FSTL5: variants seen among roughly 807,000 people sequenced by gnomAD.
FSTL5 encodes the protein follistatin like 5, also known as follistatin-related protein 5.
In FSTL5, 62 loss-of-function variants were observed where a neutral mutation model predicts 89.1. The ratio of observed to expected loss-of-function variants is 0.70; its 90% CI spans 0.57 to 0.86. The LOEUF (loss-of-function observed/expected upper bound fraction) is 0.86, where lower values mean the gene tolerates loss of function less well. FSTL5 is among the 40% of genes least tolerant of loss of function. FSTL5 has a pLI of 0.00. For missense variants in FSTL5, 1,057 were observed against 1,001.6 expected, an observed-to-expected ratio of 1.06 and a Z score of -0.75; for synonymous variants, 383 against 346.2, an observed-to-expected ratio of 1.11 and a Z score of -1.18.
intron 4 of FSTL5, among the ~76,000 whole-genome samples, chr4:161,812,711 C>A (rs1730192941): frequency 1.3e-5 from 2 of 151,858 alleles, no homozygotes; most frequent in South Asian, 4.2e-4. Context: ...CAGTTTAGGA[C>A]ATTTCATTAC....
intron 6 of FSTL5, among the ~76,000 whole-genome samples, chr4:161,703,819 C>T (rs1738481458): frequency 6.6e-6 from 1 of 152,130 alleles, no homozygotes; most frequent in Admixed American, 6.6e-5. Context: ...ATACCATAAT[C>T]TAGCTCTACC....
In FSTL5 at chr4:161,742,616, G is replaced by C. The variant is rs78992472; in HGVS notation, c.727+16795C>G. Reference sequence around the variant, plus strand: ...TGAGTTTAGGTTTGAACAAATGGCAGTGACGCGCCAGAAGAGAATCCATGT... The same window carrying C: ...TGAGTTTAGGTTTGAACAAATGGCACTGACGCGCCAGAAGAGAATCCATGT... On this transcript the variant is annotated intron_variant, in intron 6 of 15. Coordinates refer to ENST00000306100, the MANE Select transcript of FSTL5 (RefSeq NM_020116.5). Among the ~76,000 whole-genome samples, 1,172 of 152,302 alleles carry C rather than the reference G, an allele frequency of 7.7e-3. 18 individuals carry two copies. Among genetic ancestry groups the C allele is most frequent in the African/African-American group, 0.026 (1,095 of 41,576 alleles).
In FSTL5 at chr4:161,838,255, A is replaced by G. The variant is rs570326630; in HGVS notation, c.410-62181T>C. ...GTATGTTTTGGTGTTGTACCTCTTT[A>G]CCTTTATGTATTAAAAGTTAATGTT... On this transcript the variant is annotated intron_variant, in intron 4 of 15. Transcript: ENST00000306100. Among the ~76,000 whole-genome samples, 16 of 152,300 alleles carry G rather than the reference A, an allele frequency of 1.1e-4. No individual in the cohort carries two copies. The East Asian group carries it at 2.9e-3, about 28-fold the overall frequency.
At chr4:161,672,073 C>T (rs1737134290) in intron 6 of FSTL5, among the ~76,000 whole-genome samples, 1 of 152,080 alleles carries the variant, frequency 6.6e-6, no homozygotes, top group Non-Finnish European at 1.5e-5. Context: ...AACCAGTAAA[C>T]TGCTTACACA....
At chr4:161,640,138 C>A (rs1735899057) in intron 7 of FSTL5, among the ~76,000 whole-genome samples, 1 of 151,884 alleles carries the variant, frequency 6.6e-6, no homozygotes, top group Non-Finnish European at 1.5e-5. Context: ...TGGCACACAG[C>A]CTACAACAAT....
At chr4:161,690,014 C>A (rs148811469) in intron 6 of FSTL5, among the ~76,000 whole-genome samples, 1 of 152,050 alleles carries the variant, frequency 6.6e-6, no homozygotes, top group African/African-American at 2.4e-5. Context: ...TTCCACTCTG[C>A]GTATATACCA....
At chr4:161,678,828 C>T (rs1421227836) in intron 6 of FSTL5, among the ~76,000 whole-genome samples, 1 of 151,608 alleles carries the variant, frequency 6.6e-6, no homozygotes, top group African/African-American at 2.4e-5. Flanking sequence ...AATTTTGATA[C>T]CTGAGAGTGA....
intron 4 of FSTL5, among the ~76,000 whole-genome samples, chr4:161,824,658 G>A (rs1730610281): frequency 6.6e-6 from 1 of 152,094 alleles, no homozygotes; most frequent in Non-Finnish European, 1.5e-5. Context: ...TCACCTCCTT[G>A]GTTAGGTATA....
At chr4:162,016,393 T>G (rs1489520451) in intron 3 of FSTL5, among the ~76,000 whole-genome samples, 1 of 152,106 alleles carries the variant, frequency 6.6e-6, no homozygotes, top group Non-Finnish European at 1.5e-5. Flanking sequence ...AATTGTAAGG[T>G]TGTAAGAGAA....
chr4:161,897,770 T>C (rs1733213524), intron 4 of FSTL5, among the ~76,000 whole-genome samples: 1 of 151,800 alleles, frequency 6.6e-6, no homozygotes. Flanking sequence ...TTCTTTGTGT[T>C]GTACATTTGG....
chr4:162,072,849 T>A (rs990423654), intron 2 of FSTL5, among the ~76,000 whole-genome samples: 7 of 151,748 alleles, frequency 4.6e-5, no homozygotes, highest in African/African-American at 1.7e-4. Context: ...CTCTCCCTAA[T>A]TGGGGTGGAC....
intron 6 of FSTL5, among the ~76,000 whole-genome samples, chr4:161,682,182 G>A (rs1737547851): frequency 6.6e-6 from 1 of 152,146 alleles, no homozygotes; most frequent in South Asian, 2.1e-4. Context: ...AAAGGAGCTT[G>A]CCCAACAGAA....
intron 3 of FSTL5, among the ~76,000 whole-genome samples, chr4:161,966,460 A>C (rs755050487): frequency 4.6e-5 from 7 of 152,142 alleles, no homozygotes; most frequent in Non-Finnish European, 7.4e-5. Flanking sequence ...GAAGTATACA[A>C]AACCCCAGGA....
At chr4:162,102,137 T>C (rs1404369125) in intron 2 of FSTL5, among the ~76,000 whole-genome samples, 2 of 152,008 alleles carry the variant, frequency 1.3e-5, no homozygotes, top group African/African-American at 4.8e-5. Flanking sequence ...CACTACTGTT[T>C]CCACAGAAAT....
intron 3 of FSTL5, among the ~76,000 whole-genome samples, chr4:161,944,664 C>T (rs1187721696): frequency 6.6e-6 from 1 of 151,590 alleles, no homozygotes; most frequent in Non-Finnish European, 1.5e-5. Context: ...AACTCAATAT[C>T]TTTATCACAG....
intron 3 of FSTL5, among the ~76,000 whole-genome samples, chr4:161,959,521 A>G (rs1480399962): frequency 6.6e-6 from 1 of 152,110 alleles, no homozygotes; most frequent in Non-Finnish European, 1.5e-5. Flanking sequence ...ACATAACAGA[A>G]GTTCTAATAA....
chr4:161,521,681 T>A (rs1166288769), intron 10 of FSTL5, among the ~76,000 whole-genome samples: 1 of 151,536 alleles, frequency 6.6e-6, no homozygotes, highest in East Asian at 1.9e-4. Flanking sequence ...ACCCCGTCTC[T>A]ACTAAAAATA....
Position 161,583,417 on chromosome 4 carries a change from C to CTTGTCTTAT in FSTL5, c.1015+4029_1015+4037dup, listed in dbSNP as rs1272827462. Among the ~76,000 whole-genome samples the CTTGTCTTAT allele has an allele frequency of 2.6e-5, 4 of 152,220 alleles. No homozygotes were observed. In the South Asian group the frequency reaches 6.2e-4, roughly 24 times the overall value. Reference sequence around the variant, plus strand: ...ATCTGCCATCCCCAAACCGCCCTATCTTGTCTTATTTTCTGTGTTAGAAGA... The same window carrying CTTGTCTTAT: ...ATCTGCCATCCCCAAACCGCCCTATCTTGTCTTATTTGTCTTATTTTCTGTGTTAGAAGA... On this transcript the variant is annotated intron_variant, in intron 8 of 15. Coordinates refer to ENST00000306100, the MANE Select transcript of FSTL5 (RefSeq NM_020116.5).
intron 9 of FSTL5, among the ~76,000 whole-genome samples, chr4:161,540,690 A>C (rs1731788960): frequency 6.6e-6 from 1 of 151,980 alleles, no homozygotes; most frequent in Admixed American, 6.6e-5. Flanking sequence ...AGGAGCTACT[A>C]TCTTCTATTT....
Sources: gnomAD v4.1 joint callset for allele counts (sites outside exome capture counted in the v4.1 genomes callset) on GRCh38, gnomAD v4.1.1 for gene constraint, MANE v1.5 for transcripts, NCBI Gene and HGNC (gene_info 2026-07-23, HGNC 2026-07-21) for gene names.